Variants in CHN1 observed in about 807,000 individuals in gnomAD.
CHN1 encodes N-chimaerin.
A neutral mutation model predicts 59.5 loss-of-function variants in CHN1; 37 were observed. The ratio of observed to expected loss-of-function variants is 0.62; its 90% confidence interval spans 0.48 to 0.82. The LOEUF is 0.82. Ranked by LOEUF, CHN1 falls within the 40% of genes least tolerant of loss-of-function variation. CHN1 has a pLI of 0.00. For missense variants in CHN1, 469 were observed against 571.0 expected (o/e 0.82, Z 1.82); for synonymous variants, 206 against 200.4 (o/e 1.03, Z -0.24).
intron 3 of CHN1, among the ~76,000 whole-genome samples, chr2:174,925,224 C>T (rs140556499): frequency 3.3e-5 from 5 of 152,208 alleles, no homozygotes; most frequent in East Asian, 1.9e-4. Context: ...CTCATACCCC[C>T]GCCTTTTGGT....
At chr2:174,965,192 CTAAA>C (rs1005314377) in intron 1 of CHN1, among the ~76,000 whole-genome samples, 5 of 152,066 alleles carry the variant, frequency 3.3e-5, no homozygotes, top group African/African-American at 1.2e-4. Flanking sequence ...CATTTTATGA[CTAAA>C]TACATCTTCA....
Position 174,957,825 on chromosome 2 carries a change from A to G in CHN1, c.20-5623T>C, listed in dbSNP as rs77366599. On this transcript the variant is annotated intron_variant, in intron 1 of 12. Coordinates refer to ENST00000409900, the MANE Select transcript of CHN1 (RefSeq NM_001822.7). ...AGAGGTCTAGACCTTGCCTTCAAAG[A>G]TAATTTTTGTTTGCCTGGGGCCAGC... Among the ~76,000 whole-genome samples, 1,052 of 152,192 alleles carry G rather than the reference A, an allele frequency of 6.9e-3. 16 individuals are homozygous for G. The highest frequency in any genetic ancestry group is 0.024 in the African/African-American group (1,004 of 41,512).
At chr2:174,933,900 T>C (rs1022386781) in intron 3 of CHN1, among the ~76,000 whole-genome samples, 1 of 152,182 alleles carries the variant, frequency 6.6e-6, no homozygotes, top group Non-Finnish European at 1.5e-5. Context: ...GTTGGGTGGA[T>C]GTGACAGTGG....
At chr2:174,922,905 G>A (rs980956264) in intron 3 of CHN1, among the ~76,000 whole-genome samples, 10 of 151,978 alleles carry the variant, frequency 6.6e-5, no homozygotes, top group Admixed American at 2.6e-4. Flanking sequence ...GAATGACACC[G>A]TTTAGGAAAA....
At chr2:174,994,074 G>A (rs997678883) in intron 1 of CHN1, among the ~76,000 whole-genome samples, 1 of 152,258 alleles carries the variant, frequency 6.6e-6, no homozygotes, top group South Asian at 2.1e-4. Flanking sequence ...AACAAACCAA[G>A]CTAATTTATG....
intron 5 of CHN1, among the ~76,000 whole-genome samples, chr2:174,905,640 C>T (rs1267503593): frequency 6.6e-6 from 1 of 151,992 alleles, no homozygotes; most frequent in Admixed American, 6.6e-5. Context: ...TCTAGGCTCA[C>T]TGCAAACTCC....
intron 1 of CHN1, among the ~76,000 whole-genome samples, chr2:174,987,432 G>C (rs1420121712): frequency 6.8e-6 from 1 of 148,064 alleles, no homozygotes; most frequent in African/African-American, 2.5e-5. Context: ...ATTTGAGACA[G>C]AGTATAGCTC....
chr2:174,927,403 AT>A (rs1689207331), intron 3 of CHN1, among the ~76,000 whole-genome samples: 1 of 152,156 alleles, frequency 6.6e-6, no homozygotes, highest in Non-Finnish European at 1.5e-5. Flanking sequence ...ACTACATTAT[AT>A]TTTTTCAAAT....
chr2:174,890,702 G>C (rs1289539950), intron 5 of CHN1, among the ~76,000 whole-genome samples: 1 of 151,934 alleles, frequency 6.6e-6, no homozygotes, highest in East Asian at 1.9e-4. Flanking sequence ...AGGAATAGGA[G>C]GACTTAAACA....
intron 5 of CHN1, among the ~76,000 whole-genome samples, chr2:174,898,038 C>CT (rs1446260593): frequency 1.3e-5 from 2 of 152,314 alleles, no homozygotes; most frequent in Non-Finnish European, 2.9e-5. Flanking sequence ...TACTACATTT[C>CT]TCAGCTTCTT....
intron 6 of CHN1, among the ~76,000 whole-genome samples, chr2:174,866,030 C>G (rs1240714379): frequency 6.6e-6 from 1 of 151,998 alleles, no homozygotes; most frequent in Non-Finnish European, 1.5e-5. Flanking sequence ...AGTAGATGCC[C>G]CATTAAAAAG....
intron 7 of CHN1, among the ~76,000 whole-genome samples, chr2:174,839,568 G>A (rs1255964524): frequency 6.6e-6 from 1 of 151,666 alleles, no homozygotes; most frequent in African/African-American, 2.4e-5. Context: ...GCAACACGAT[G>A]CCTTTACTTA....
At chr2:174,963,110 G>A (rs1690470803) in intron 1 of CHN1, among the ~76,000 whole-genome samples, 1 of 152,100 alleles carries the variant, frequency 6.6e-6, no homozygotes, top group South Asian at 2.1e-4. Context: ...AAAATAATCA[G>A]AAAGTTTCAT....
At chr2:174,800,346 G>A in intron 12 of CHN1, 59 bp from the exon 13 acceptor site, 10 of 1,240,772 alleles carry the variant, frequency 8.1e-6, no homozygotes, top group Non-Finnish European at 1.1e-5. Flanking sequence ...TCTTCATTGT[G>A]CTTGAACACT....
intron 5 of CHN1, among the ~76,000 whole-genome samples, chr2:174,889,521 CAA>C (rs1399391683): frequency 6.6e-6 from 1 of 151,884 alleles, no homozygotes; most frequent in Non-Finnish European, 1.5e-5. Flanking sequence ...ATAAAATCAA[CAA>C]AGACACAGAA....
At chr2:174,898,115 C>T (rs1688275648) in intron 5 of CHN1, among the ~76,000 whole-genome samples, 1 of 152,110 alleles carries the variant, frequency 6.6e-6, no homozygotes, top group African/African-American at 2.4e-5. Context: ...TCTGCCGTCT[C>T]ATTAGCTGGA....
At chr2:174,896,614 A>T (rs1402024638) in intron 5 of CHN1, among the ~76,000 whole-genome samples, 1 of 152,186 alleles carries the variant, frequency 6.6e-6, no homozygotes, top group Non-Finnish European at 1.5e-5. Flanking sequence ...TTGTCACATC[A>T]TGCTTTTACA....
At chr2:174,841,518 TAGGCAGACAGAACC>T (rs1686301381) in intron 7 of CHN1, among the ~76,000 whole-genome samples, 1 of 152,216 alleles carries the variant, frequency 6.6e-6, no homozygotes, top group Non-Finnish European at 1.5e-5. Flanking sequence ...CCGATTGCCT[TAGGCAGACAGAACC>T]TATGCTACAT....
chr2:174,945,899 C>T (rs1689815987), intron 2 of CHN1, among the ~76,000 whole-genome samples: 1 of 151,230 alleles, frequency 6.6e-6, no homozygotes, highest in Non-Finnish European at 1.5e-5. Context: ...TACACACATA[C>T]ATAATTAGCC....
Sources: gnomAD v4.1 joint callset for allele counts (sites outside exome capture counted in the v4.1 genomes callset) on GRCh38, gnomAD v4.1.1 for gene constraint, MANE v1.5 for transcripts, NCBI Gene and HGNC (gene_info 2026-07-23, HGNC 2026-07-21) for gene names.